Variants in STAG3 observed in about 807,000 individuals in gnomAD.
The protein encoded by STAG3 is STAG3 cohesin complex component, also known as cohesin subunit SA-3.
Under a neutral mutation model 160.7 loss-of-function variants are expected in STAG3, and 101 were observed. The observed-to-expected ratio is 0.63, with a 90% CI of 0.54 to 0.74. The LOEUF (loss-of-function observed/expected upper bound fraction) is 0.74. Among genes scored for constraint, STAG3 ranks in the 30% least tolerant of loss-of-function variants. STAG3 has a pLI of 0.00. For synonymous variants in STAG3, 519 were observed against 585.0 expected, an observed-to-expected ratio of 0.89 and a Z score of 1.63; for missense variants, 1,188 against 1,517.4, an observed-to-expected ratio of 0.78 and a Z score of 3.61.
intron 5 of STAG3, 48 bp downstream of exon 5, chr7:100,186,344 G>A (rs1177319712): frequency 6.7e-7 from 1 of 1,494,630 alleles, no homozygotes; most frequent in South Asian, 1.1e-5. Flanking sequence ...TTGTTCCTAT[G>A]TTATGAAATT....
chr7:100,189,861 G>A (rs1800252528), intron 8 of STAG3, among the ~76,000 whole-genome samples: 1 of 151,778 alleles, frequency 6.6e-6, no homozygotes, highest in South Asian at 2.1e-4. Context: ...TCATTGTTAG[G>A]AGTGTTTAAG....
intron 4 of STAG3, among the ~76,000 whole-genome samples, chr7:100,184,625 G>A (rs371419949): frequency 1.4e-5 from 2 of 146,366 alleles, no homozygotes; most frequent in Admixed American, 6.9e-5. Flanking sequence ...ATGCCACCAC[G>A]CCCAACTAAT....
chr7:100,184,190 C>T (rs1366168986), intron 4 of STAG3, among the ~76,000 whole-genome samples: 4 of 151,570 alleles, frequency 2.6e-5, no homozygotes, highest in Admixed American at 6.6e-5. Context: ...TACTTGAACT[C>T]GGGAGGCGGA....
intron 8 of STAG3, among the ~76,000 whole-genome samples, chr7:100,192,721 T>C (rs1476622304): frequency 6.6e-6 from 1 of 152,152 alleles, no homozygotes; most frequent in Admixed American, 6.5e-5. Context: ...CTTCCAAGTA[T>C]CTGGTACTAC....
downstream of STAG3, chr7:100,214,964 TC>T (rs1802635686): frequency 1.3e-5 from 2 of 152,048 alleles, no homozygotes; most frequent in Admixed American, 1.3e-4. Context: ...CACCATCGTC[TC>T]TCACCTAGAC....
At chr7:100,211,743 A>G in intron 31 of STAG3, 52 bp from the exon 32 acceptor site, 1 of 1,591,640 alleles carries the variant, frequency 6.3e-7, no homozygotes, top group Non-Finnish European at 8.6e-7. Flanking sequence ...AGAAACTCTC[A>G]GGGGTCCTCA....
chr7:100,184,397 A>G (rs1799848096), intron 4 of STAG3, among the ~76,000 whole-genome samples: 1 of 151,368 alleles, frequency 6.6e-6, no homozygotes, highest in Non-Finnish European at 1.5e-5. Flanking sequence ...TATCTTCTGC[A>G]AGGACCTGAG....
chr7:100,211,399 A>C, intron 30 of STAG3, 36 bp from the exon 31 acceptor site: 1 of 1,605,526 alleles, frequency 6.2e-7, no homozygotes, highest in Non-Finnish European at 8.5e-7. Context: ...CTTACCCTTG[A>C]TTTTTATCCC....
intron 8 of STAG3, among the ~76,000 whole-genome samples, chr7:100,191,084 A>G (rs1414308215): frequency 6.6e-6 from 1 of 152,022 alleles, no homozygotes; most frequent in African/African-American, 2.4e-5. Context: ...TCTATTGTTC[A>G]TGTGATCCAG....
Position 100,189,550 on chromosome 7 carries a change from A to G in STAG3, c.821A>G (p.Gln274Arg). Residue 274 changes from glutamine (Q) to arginine (R), a missense_variant, in exon 8 of 34, where the codon CAG becomes CGG. Physicochemically the swap from Gln to Arg is conservative, Grantham distance 43. Transcript: ENST00000615138. ...YEAERNKGPG[Q>R]RAPERLESLL... is the part of the protein sequence containing the mutation. ...GCTGAAAGAAACAAGGGGCCAGGGC[A>G]GAGGGCACCTGAGCGGCTGGAGAGC... is the stretch of plus-strand genomic sequence containing the variant. 6.2e-7 allele frequency: 1 copy of G among 1,614,186 alleles called. No individual in the cohort carries two copies. The highest frequency in any genetic ancestry group is 8.5e-7 in the Non-Finnish European group (1 of 1,180,010).
intron 5 of STAG3, among the ~76,000 whole-genome samples, chr7:100,186,918 A>G (rs1379649224): frequency 6.6e-6 from 1 of 152,048 alleles, no homozygotes; most frequent in Non-Finnish European, 1.5e-5. Context: ...TAGCTGTGGT[A>G]CCCCCAGAAC....
chr7:100,213,830 T>TA (rs1802515881), intron 33 of STAG3, 24 bp downstream of exon 33: 1 of 1,614,050 alleles, frequency 6.2e-7, no homozygotes, highest in African/African-American at 1.3e-5. Context: ...GAGCAGGAGT[T>TA]ATGTATCCTT....
chr7:100,202,699 TAAAGGA>T, intron 25 of STAG3, 109 bp downstream of exon 25: 2 of 1,422,004 alleles, frequency 1.4e-6, no homozygotes, highest in Non-Finnish European at 9.4e-7. Flanking sequence ...GTTTCAAGCT[TAAAGGA>T]GAAGTAGGAG....
At chr7:100,196,282 C>CT (rs1297771936) in intron 9 of STAG3, among the ~76,000 whole-genome samples, 106 of 147,160 alleles carry the variant, frequency 7.2e-4, no homozygotes, top group East Asian at 9.9e-4. Context: ...GTTGAATTAA[C>CT]TTTTTTTTTT....
At chr7:100,181,842 A>C (rs1799664415) in intron 2 of STAG3, among the ~76,000 whole-genome samples, 1 of 147,490 alleles carries the variant, frequency 6.8e-6, no homozygotes, top group South Asian at 2.3e-4. Flanking sequence ...CGGAGGTTGC[A>C]GTGAGCTGAG....
At chr7:100,211,408 C>T in intron 30 of STAG3, 27 bp from the exon 31 acceptor site, 1 of 1,607,222 alleles carries the variant, frequency 6.2e-7, no homozygotes, top group Non-Finnish European at 8.5e-7. Context: ...GATTTTTATC[C>T]CATCATTGAT....
intron 4 of STAG3, 115 bp from the exon 5 acceptor site, chr7:100,186,085 A>G: frequency 2.3e-6 from 2 of 878,526 alleles, no homozygotes; most frequent in Non-Finnish European, 3.7e-6. Context: ...GTACATTGTG[A>G]AAGATGTTTT....
Position 100,205,049 on chromosome 7 carries a change from C to T in STAG3, c.2996C>T (p.Ser999Phe). 1 of 1,614,138 alleles carries T rather than the reference C, an allele frequency of 6.2e-7. No homozygotes were observed. The highest frequency in any genetic ancestry group is 8.5e-7 in the Non-Finnish European group (1 of 1,180,010). ...TTGTCTGAGCTTCCTCCAGCTGGCT[C>T]CTCCAATCAGCCTCCAAATCTGGCA... is the stretch of plus-strand genomic sequence containing the variant. The part of the protein sequence containing the change: ...FSLSELPPAG[S>F]SNQPPNLAFL... Residue 999 changes from serine to phenylalanine, a missense_variant, in exon 28 of 34, where the codon TCC becomes TTC. By Grantham distance (155) the Ser-to-Phe change is radical (BLOSUM62 -2). This residue lies in a region of STAG3 where 647 missense variants were observed against 717.2 expected (regional missense o/e 0.90). Transcript: ENST00000615138.
rs1445965466 is a variant in STAG3 at position 100,214,029 on chromosome 7, C to T, written c.*14C>T. On this transcript the variant is annotated 3_prime_UTR_variant, in exon 34 of 34. Transcript: ENST00000615138. ...TAGGATTTCTGACAGGACTCTGGGC[C>T]CCTCCCCAGCTCCACTCCCTACCTC... is the stretch of plus-strand genomic sequence containing the variant. 1 of 1,614,022 alleles carries T rather than the reference C, an allele frequency of 6.2e-7. No individual in the cohort carries two copies. The highest frequency in any genetic ancestry group is 8.5e-7 in the Non-Finnish European group (1 of 1,179,962).
Sources: gnomAD v4.1 joint callset for allele counts (sites outside exome capture counted in the v4.1 genomes callset) on GRCh38, gnomAD v4.1.1 for gene constraint, gnomAD v4.1.1 regional missense constraint, MANE v1.5 for transcripts, NCBI Gene and HGNC (gene_info 2026-07-23, HGNC 2026-07-21) for gene names.